WDR19: variants seen among roughly 807,000 people sequenced by gnomAD.
The protein encoded by WDR19 is WD repeat-containing protein 19.
WDR19 carries 121 observed loss-of-function variants against 180.0 expected under a neutral mutation model. The observed-to-expected ratio is 0.67, with a 90% confidence interval of 0.58 to 0.78. The LOEUF is 0.78. WDR19 is among the 30% of genes least tolerant of loss of function. The probability of loss-of-function intolerance (pLI) is 0.00; values close to 1 mark genes in which losing one functional copy is unlikely to be tolerated. For synonymous variants in WDR19, 497 were observed against 540.7 expected, an observed-to-expected ratio of 0.92 and a Z score of 1.12; for missense variants, 1,450 against 1,640.7, an observed-to-expected ratio of 0.88 and a Z score of 2.01.
chr4:39,185,882 T>C (rs1316534282), intron 2 of WDR19, 65 bp downstream of exon 2: 2 of 1,307,804 alleles, frequency 1.5e-6, no homozygotes, highest in African/African-American at 1.6e-5. Context: ...ATCTACTCAG[T>C]AGAAGTTTTT....
chr4:39,285,146 G>C (rs2062229), intron 36 of WDR19, among the ~76,000 whole-genome samples: 1 of 151,644 alleles, frequency 6.6e-6, no homozygotes, highest in African/African-American at 2.4e-5. Flanking sequence ...GTTCACTGGC[G>C]TTTAGACAAA....
intron 6 of WDR19, among the ~76,000 whole-genome samples, chr4:39,200,554 A>G (rs1010334379): frequency 6.6e-6 from 1 of 152,182 alleles, no homozygotes; most frequent in Non-Finnish European, 1.5e-5. Flanking sequence ...CTCTCTAGCT[A>G]TTCACTGGAA....
At chr4:39,232,676 T>C (rs1380761069) in intron 19 of WDR19, among the ~76,000 whole-genome samples, 14 of 148,824 alleles carry the variant, frequency 9.4e-5, no homozygotes, top group Non-Finnish European at 1.8e-4. Flanking sequence ...CACTCCAGCC[T>C]GGGTGACAGA....
chr4:39,214,537 T>C, intron 9 of WDR19, 64 bp from the exon 10 acceptor site: 1 of 966,792 alleles, frequency 1.0e-6, no homozygotes, highest in Non-Finnish European at 1.5e-6. Flanking sequence ...TAATTTTTTG[T>C]GAATTAAAAC....
intron 24 of WDR19, among the ~76,000 whole-genome samples, chr4:39,246,930 G>A (rs1732588890): frequency 6.6e-6 from 1 of 152,248 alleles, no homozygotes; most frequent in Non-Finnish European, 1.5e-5. Context: ...TCTGAGGGCA[G>A]GGCACAGACA....
intron 17 of WDR19, among the ~76,000 whole-genome samples, chr4:39,229,665 C>G (rs1013700632): frequency 1.3e-5 from 2 of 152,116 alleles, no homozygotes; most frequent in African/African-American, 4.8e-5. Context: ...GAGTTTCCTT[C>G]TCTTCTTACT....
intron 24 of WDR19, among the ~76,000 whole-genome samples, chr4:39,248,340 C>T (rs1732761853): frequency 6.6e-6 from 1 of 152,222 alleles, no homozygotes; most frequent in African/African-American, 2.4e-5. Flanking sequence ...CCTACAAGAG[C>T]TCCTGAAGGA....
At chr4:39,185,593 A>G in intron 1 of WDR19, 133 bp from the exon 2 acceptor site, 1 of 767,410 alleles carries the variant, frequency 1.3e-6, no homozygotes, top group Non-Finnish European at 2.1e-6. Flanking sequence ...TAACTTCTAG[A>G]TAAGCTCTAA....
chr4:39,217,740 A>C (rs1029547542), intron 13 of WDR19, among the ~76,000 whole-genome samples: 2 of 152,180 alleles, frequency 1.3e-5, no homozygotes, highest in Admixed American at 6.5e-5. Flanking sequence ...CTAGGAAGAC[A>C]AAGAGATTAA....
intron 2 of WDR19, among the ~76,000 whole-genome samples, chr4:39,186,234 C>G (rs766737093): frequency 6.2e-4 from 94 of 152,230 alleles, no homozygotes; most frequent in Admixed American, 1.1e-3. Context: ...AATCCCAACA[C>G]TTTGGGAGGC....
At chr4:39,247,275 C>A (rs961032279) in intron 24 of WDR19, among the ~76,000 whole-genome samples, 4 of 152,206 alleles carry the variant, frequency 2.6e-5, no homozygotes, top group African/African-American at 9.7e-5. Flanking sequence ...TAAACTCCAA[C>A]AGACCTGCAG....
chr4:39,201,006 A>C (rs2109287836), intron 6 of WDR19, among the ~76,000 whole-genome samples: 1 of 152,308 alleles, frequency 6.6e-6, no homozygotes, highest in African/African-American at 2.4e-5. Context: ...CAGTCAGGGT[A>C]TAGACTAAAC....
intron 36 of WDR19, among the ~76,000 whole-genome samples, 156 bp from the exon 37 acceptor site, chr4:39,285,331 G>T (rs752509541): frequency 1.5e-4 from 23 of 152,198 alleles, no homozygotes; most frequent in Admixed American, 2.6e-4. Context: ...ACTTGATGCG[G>T]ATTACAGTCT....
chr4:39,260,310 C>T (rs2109462979), intron 28 of WDR19, among the ~76,000 whole-genome samples: 1 of 150,828 alleles, frequency 6.6e-6, no homozygotes, highest in South Asian at 2.1e-4. Flanking sequence ...ATTCTCATCA[C>T]AGCAGTAGGG....
intron 21 of WDR19, among the ~76,000 whole-genome samples, chr4:39,242,045 A>C (rs754757229): frequency 7.3e-5 from 11 of 151,184 alleles, no homozygotes; most frequent in Admixed American, 2.0e-4. Flanking sequence ...TGGCCTTTCC[A>C]AGTCAATACA....
In WDR19 at chr4:39,205,160, G is replaced by A. The variant is rs1254605580; in HGVS notation, c.610G>A (p.Val204Met). The A allele has an allele frequency of 6.3e-7, 1 of 1,581,682 alleles. No individual in the cohort carries two copies. Among genetic ancestry groups the A allele is most frequent in the Non-Finnish European group, 8.6e-7 (1 of 1,162,332 alleles). ...TCCTAATCTTTTCTGGCAGATAAGT[G>A]TGGTGCTTGGCAAGAAAACTTTGTT... Reference protein sequence around the residue: ...RTSAAESMISVVLGKKTLFFL... With the variant: ...RTSAAESMISMVLGKKTLFFL... Residue 204 changes from valine (V) to methionine (M), a missense_variant, in exon 8 of 37, where the codon GTG becomes ATG. Coordinates refer to ENST00000399820, the MANE Select transcript of WDR19 (RefSeq NM_025132.4).
intron 10 of WDR19, among the ~76,000 whole-genome samples, chr4:39,215,028 C>T (rs943153157): frequency 1.3e-5 from 2 of 152,170 alleles, no homozygotes; most frequent in African/African-American, 4.8e-5. Context: ...CTGCCTTGGC[C>T]TCCCAAAGTA....
chr4:39,200,226 C>T (rs1727229240), intron 6 of WDR19, among the ~76,000 whole-genome samples: 1 of 152,194 alleles, frequency 6.6e-6, no homozygotes, highest in East Asian at 1.9e-4. Context: ...TGGCACTGTG[C>T]TATATACTAT....
chr4:39,264,662 C>A (rs1162140582), intron 28 of WDR19, among the ~76,000 whole-genome samples: 1 of 152,124 alleles, frequency 6.6e-6, no homozygotes, highest in Non-Finnish European at 1.5e-5. Context: ...AATGTCATTA[C>A]CATGACAAGA....
Sources: allele counts gnomAD v4.1 joint callset (sites outside exome capture counted in the v4.1 genomes callset), GRCh38; gene constraint gnomAD v4.1.1; transcripts MANE v1.5; gene names NCBI Gene and HGNC (gene_info 2026-07-23, HGNC 2026-07-21).